The following GRIK2 variants were observed in gnomAD, a reference collection of about 807,000 sequenced individuals.
The protein encoded by GRIK2 is glutamate receptor ionotropic, kainate 2.
A neutral mutation model predicts 100.3 loss-of-function variants in GRIK2; 32 were observed. That is an observed-to-expected ratio of 0.32 (90% CI 0.24 to 0.43). GRIK2 has a LOEUF of 0.43. GRIK2 is among the 20% of genes least tolerant of loss of function. GRIK2 has a pLI of 1.00. For missense variants in GRIK2, 843 were observed against 1,114.9 expected (o/e 0.76, Z 3.47); for synonymous variants, 417 against 389.4 (o/e 1.07, Z -0.83).
At chr6:102,007,723 C>A (rs1010128783) in intron 14 of GRIK2, among the ~76,000 whole-genome samples, 7 of 151,900 alleles carry the variant, frequency 4.6e-5, no homozygotes, top group African/African-American at 1.4e-4. Context: ...TATATAAATA[C>A]AAATTGCAAA....
In GRIK2 at chr6:101,976,423, G is replaced by T. The variant is rs866769186; in HGVS notation, c.2085+47791G>T. Among the ~76,000 whole-genome samples, 3 of 152,080 alleles carry T rather than the reference G, an allele frequency of 2.0e-5. 1 individual carries two copies. Among genetic ancestry groups the T allele is most frequent in the Non-Finnish European group, 1.5e-5 (1 of 67,940 alleles). ...TTTAAAGTGTTCTGTGCATCTGGGT[G>T]TGGTGGCTCATGCCTGTAAACCCAG... On this transcript the variant is annotated intron_variant, in intron 14 of 16. Coordinates refer to ENST00000369134, the MANE Select transcript of GRIK2 (RefSeq NM_021956.5).
chr6:101,397,902 T>G (rs1182011504), intron 1 of GRIK2, among the ~76,000 whole-genome samples: 5 of 152,082 alleles, frequency 3.3e-5, no homozygotes, highest in Non-Finnish European at 1.5e-5. Context: ...AAGTTAGTTT[T>G]ACTTAGTGTA....
intron 14 of GRIK2, among the ~76,000 whole-genome samples, chr6:101,948,951 G>A (rs182208351): frequency 3.3e-5 from 5 of 152,118 alleles, no homozygotes; most frequent in African/African-American, 9.7e-5. Context: ...CATCAAATGT[G>A]TAATTTCCTC....
intron 4 of GRIK2, among the ~76,000 whole-genome samples, chr6:101,649,150 G>T (rs1781668356): frequency 6.6e-6 from 1 of 152,014 alleles, no homozygotes; most frequent in African/African-American, 2.4e-5. Context: ...ATTCTCTCCG[G>T]AAGCTTCCTT....
chr6:101,709,655 A>T (rs553361468), intron 7 of GRIK2, among the ~76,000 whole-genome samples: 3 of 151,986 alleles, frequency 2.0e-5, no homozygotes, highest in African/African-American at 7.2e-5. Context: ...AAATGCTTTA[A>T]AATGGAAGGA....
At position 101,707,588 on chromosome 6, in the gene GRIK2, G is replaced by GTA. The variant is rs1491170927; in HGVS notation, c.951+21236_951+21237insAT. Among the ~76,000 whole-genome samples, 248 of 132,782 alleles carry GTA rather than the reference G, an allele frequency of 1.9e-3. 2 individuals are homozygous for GTA. The highest frequency in any genetic ancestry group is 7.3e-3 in the African/African-American group (231 of 31,586). 87.1% of individuals were successfully genotyped at this position (132,782 alleles called of 152,430 possible). A position where few individuals can be genotyped will look rare whatever the true frequency, so the allele number is the denominator to read the frequency against. ...TGTATATATGTGTATGTGTGTGTGT[G>GTA]TGTGTGTATATATGTGTGTATATAT... is the stretch of plus-strand genomic sequence containing the variant. On this transcript the variant is annotated intron_variant, in intron 7 of 16. Transcript: ENST00000369134.
Position 101,889,632 on chromosome 6 carries a change from G to C in GRIK2, c.1525-8G>C. On this transcript the variant is annotated splice_polypyrimidine_tract_variant and splice_region_variant and intron_variant, in intron 11 of 16. Transcript: ENST00000369134. ...TTTTTTTTTTTTTTTGTTTGTTTCT[G>C]TCTACAGAAAGCTGACCTTGCAGTT... is the stretch of plus-strand genomic sequence containing the variant. The C allele has an allele frequency of 6.2e-6, 5 of 805,658 alleles. No individual in the cohort carries two copies. The highest frequency in any genetic ancestry group is 3.2e-5 in the East Asian group (1 of 31,002). 49.9% of individuals were successfully genotyped at this position (805,658 alleles called of 1,614,324 possible).
intron 16 of GRIK2, chr6:102,063,845 TAG>T: frequency 1.8e-6 from 1 of 561,250 alleles, no homozygotes; most frequent in South Asian, 2.6e-5. Context: ...TTTCAAGAAT[TAG>T]AGATGTGTAA....
At chr6:101,609,731 G>A (rs143357115) in intron 2 of GRIK2, among the ~76,000 whole-genome samples, 5 of 151,764 alleles carry the variant, frequency 3.3e-5, no homozygotes, top group South Asian at 4.1e-4. Flanking sequence ...AGTTAAGTCC[G>A]ATAAGTCAAA....
chr6:102,063,978 T>G (rs775874037), intron 16 of GRIK2: 8 of 1,535,164 alleles, frequency 5.2e-6, no homozygotes, highest in Non-Finnish European at 7.2e-6. Flanking sequence ...TCTATTTGGT[T>G]AGTGCCACCA....
At chr6:101,767,441 C>T (rs1778107889) in intron 7 of GRIK2, among the ~76,000 whole-genome samples, 1 of 152,008 alleles carries the variant, frequency 6.6e-6, no homozygotes, top group Admixed American at 6.6e-5. Context: ...ATAAGATATA[C>T]TTAATATGAC....
At chr6:102,017,847 C>A (rs1257687321) in intron 14 of GRIK2, among the ~76,000 whole-genome samples, 1 of 152,112 alleles carries the variant, frequency 6.6e-6, no homozygotes, top group African/African-American at 2.4e-5. Context: ...TTATTCATTT[C>A]TTTACAATGC....
At chr6:101,963,786 C>A (rs545508676) in intron 14 of GRIK2, among the ~76,000 whole-genome samples, 3 of 151,970 alleles carry the variant, frequency 2.0e-5, no homozygotes, top group African/African-American at 7.2e-5. Context: ...TGCTGCAAAC[C>A]CAACAATACA....
In GRIK2 at chr6:102,018,483, C is replaced by A. The variant is rs536069471; in HGVS notation, c.2086-16858C>A. 4.6e-5 allele frequency among the ~76,000 whole-genome samples: 7 copies of A among 152,234 alleles called. No homozygotes were observed. In the South Asian group the frequency reaches 1.5e-3, roughly 32 times the overall value. ...GTGAAGTATTTCAAAATAGGTCCTG[C>A]ACCATGACTGGGTTCCCCTAGAGTT... is the stretch of plus-strand genomic sequence containing the variant. On this transcript the variant is annotated intron_variant, in intron 14 of 16. Coordinates refer to ENST00000369134, the MANE Select transcript of GRIK2 (RefSeq NM_021956.5).
At chr6:101,634,296 A>G (rs561318974) in intron 4 of GRIK2, among the ~76,000 whole-genome samples, 39 of 152,214 alleles carry the variant, frequency 2.6e-4, no homozygotes, top group South Asian at 6.2e-4. Flanking sequence ...AAGACAGGAA[A>G]TAAGAATTAC....
chr6:101,651,508 T>C (rs1479300368), intron 4 of GRIK2, among the ~76,000 whole-genome samples: 1 of 152,026 alleles, frequency 6.6e-6, no homozygotes, highest in Non-Finnish European at 1.5e-5. Context: ...ATGTAAATTG[T>C]AGAGTATGTT....
chr6:101,879,725 G>T (rs1786115717), intron 11 of GRIK2, among the ~76,000 whole-genome samples: 1 of 150,866 alleles, frequency 6.6e-6, no homozygotes, highest in Non-Finnish European at 1.5e-5. Context: ...GCAACTGGAA[G>T]AAGCTGTATT....
chr6:101,831,095 A>G (rs1315376246), intron 10 of GRIK2, among the ~76,000 whole-genome samples: 1 of 152,146 alleles, frequency 6.6e-6, no homozygotes, highest in East Asian at 1.9e-4. Context: ...AAACCTGCAC[A>G]TGTAACCCCT....
chr6:101,673,083 T>G (rs1057411296), intron 4 of GRIK2, among the ~76,000 whole-genome samples: 1 of 152,150 alleles, frequency 6.6e-6, no homozygotes, highest in South Asian at 2.1e-4. Flanking sequence ...TAATAGTCAT[T>G]CTGAATGGAA....
Sources: gnomAD v4.1 joint callset for allele counts (sites outside exome capture counted in the v4.1 genomes callset) on GRCh38, gnomAD v4.1.1 for gene constraint, MANE v1.5 for transcripts, NCBI Gene and HGNC (gene_info 2026-07-23, HGNC 2026-07-21) for gene names.